The following CSMD1 variants were observed in gnomAD, a reference collection of about 807,000 sequenced individuals.
The protein encoded by CSMD1 is CUB and sushi domain-containing protein 1.
CSMD1 carries 213 observed loss-of-function variants against 417.5 expected under a neutral mutation model. The observed-to-expected ratio is 0.51, with a 90% CI of 0.46 to 0.57. The LOEUF (loss-of-function observed/expected upper bound fraction) is 0.57, where lower values mean the gene tolerates loss of function less well. Among genes scored for constraint, CSMD1 ranks in the 20% least tolerant of loss-of-function variants. The probability of loss-of-function intolerance (pLI) is 0.00; values close to 1 mark genes in which losing one functional copy is unlikely to be tolerated. For synonymous variants in CSMD1, 2,862 were observed against 1,736.8 expected (o/e 1.65, Z -16.11); for missense variants, 6,923 against 4,529.7 (o/e 1.53, Z -15.17).
At chr8:3,311,553 C>T (rs991940653) in intron 23 of CSMD1, among the ~76,000 whole-genome samples, 2 of 152,118 alleles carry the variant, frequency 1.3e-5, no homozygotes, top group Non-Finnish European at 2.9e-5. Context: ...GCTAGAGAGT[C>T]AACACTTTCT....
intron 2 of CSMD1, among the ~76,000 whole-genome samples, chr8:4,589,171 T>G (rs1799861388): frequency 6.6e-6 from 1 of 152,000 alleles, no homozygotes. Flanking sequence ...GAAAGAAAAG[T>G]GCAAAAAAGG....
intron 3 of CSMD1, among the ~76,000 whole-genome samples, chr8:4,145,004 T>C (rs1399939212): frequency 6.6e-6 from 1 of 151,180 alleles, no homozygotes; most frequent in Non-Finnish European, 1.5e-5. Flanking sequence ...TTCTCTACTT[T>C]ATATAAATAA....
intron 1 of CSMD1, among the ~76,000 whole-genome samples, chr8:4,652,912 G>T (rs983660292): frequency 6.6e-6 from 1 of 151,378 alleles, no homozygotes; most frequent in Non-Finnish European, 1.5e-5. Flanking sequence ...CTGATGTGGT[G>T]GGGTGGAGTT....
At chr8:3,780,614 T>G (rs1799124769) in intron 5 of CSMD1, among the ~76,000 whole-genome samples, 1 of 152,204 alleles carries the variant, frequency 6.6e-6, no homozygotes, top group Admixed American at 6.5e-5. Context: ...ACAACTGTCA[T>G]CAAACTGGGC....
chr8:4,639,218 C>T (rs1253640472), intron 1 of CSMD1, among the ~76,000 whole-genome samples: 3 of 151,374 alleles, frequency 2.0e-5, no homozygotes, highest in African/African-American at 2.4e-5. Flanking sequence ...ACAAGCTCTC[C>T]GTGCCATGCT....
intron 10 of CSMD1, among the ~76,000 whole-genome samples, chr8:3,538,482 G>A (rs529819725): frequency 6.1e-4 from 93 of 152,290 alleles, no homozygotes; most frequent in African/African-American, 2.1e-3. Context: ...TGATACACCT[G>A]AGATGCCTCA....
At chr8:4,764,345 T>C (rs536271111) in intron 1 of CSMD1, among the ~76,000 whole-genome samples, 162 of 152,264 alleles carry the variant, frequency 1.1e-3, no homozygotes, top group African/African-American at 3.8e-3. Context: ...AACCTAGAAA[T>C]TAGTATCAAT....
At chr8:3,954,640 G>C (rs537404228) in intron 5 of CSMD1, among the ~76,000 whole-genome samples, 2 of 152,242 alleles carry the variant, frequency 1.3e-5, no homozygotes, top group African/African-American at 4.8e-5. Context: ...GGGATTACAG[G>C]CGTGAGCCAC....
At chr8:4,824,800 T>C (rs1799726773) in intron 1 of CSMD1, among the ~76,000 whole-genome samples, 1 of 152,176 alleles carries the variant, frequency 6.6e-6, no homozygotes, top group Non-Finnish European at 1.5e-5. Flanking sequence ...TTTAATGTAC[T>C]CGGAGGAAAT....
intron 2 of CSMD1, among the ~76,000 whole-genome samples, chr8:4,467,924 G>C (rs904234256): frequency 6.6e-6 from 1 of 152,150 alleles, no homozygotes; most frequent in African/African-American, 2.4e-5. Flanking sequence ...CAAACAGTTG[G>C]AATTCCATTC....
intron 3 of CSMD1, among the ~76,000 whole-genome samples, chr8:4,115,297 G>A (rs1224492648): frequency 1.3e-5 from 2 of 152,000 alleles, no homozygotes; most frequent in African/African-American, 2.4e-5. Flanking sequence ...AGCATTTTTG[G>A]CAACAAAATA....
chr8:4,033,066 A>C (rs1396539834), intron 3 of CSMD1, among the ~76,000 whole-genome samples: 3 of 141,888 alleles, frequency 2.1e-5, no homozygotes, highest in Non-Finnish European at 4.5e-5. Context: ...TAACCCAGAC[A>C]TTCCTCTCTA....
chr8:3,528,935 C>G (rs934502489), intron 10 of CSMD1, among the ~76,000 whole-genome samples: 3 of 152,036 alleles, frequency 2.0e-5, no homozygotes, highest in Non-Finnish European at 2.9e-5. Context: ...TAATATAATC[C>G]TTAGATAATT....
intron 23 of CSMD1, among the ~76,000 whole-genome samples, chr8:3,315,812 T>C (rs1350988033): frequency 6.6e-6 from 1 of 152,202 alleles, no homozygotes; most frequent in South Asian, 2.1e-4. Context: ...AAGCAAACTT[T>C]TAATAAATCA....
intron 41 of CSMD1, among the ~76,000 whole-genome samples, chr8:3,121,891 A>G (rs1483447228): frequency 6.6e-6 from 1 of 152,174 alleles, no homozygotes; most frequent in Non-Finnish European, 1.5e-5. Flanking sequence ...AATTTATATG[A>G]TAAAACTTAA....
intron 2 of CSMD1, among the ~76,000 whole-genome samples, chr8:4,470,147 G>C (rs183085945): frequency 6.6e-6 from 1 of 152,030 alleles, no homozygotes; most frequent in East Asian, 1.9e-4. Flanking sequence ...TGGGATTACA[G>C]GTGGCCTTTG....
rs570667587 is a variant in CSMD1, at chr8:3,606,610, C to G, written c.1097+10100G>C. On this transcript the variant is annotated intron_variant, in intron 8 of 69. Coordinates refer to ENST00000635120, the MANE Select transcript of CSMD1 (RefSeq NM_033225.6). ...GACATGACTGTACACTCCTGTAGACCTTAGAAACACTGTATCCTTGGGCCA... is the reference window on the plus strand; with the variant it reads ...GACATGACTGTACACTCCTGTAGACGTTAGAAACACTGTATCCTTGGGCCA... 2.0e-5 allele frequency among the ~76,000 whole-genome samples: 3 copies of G among 152,164 alleles called. No homozygotes were observed. The South Asian group carries it at 6.2e-4, about 32-fold the overall frequency.
At chr8:4,003,512 G>T (rs1394432549) in intron 4 of CSMD1, among the ~76,000 whole-genome samples, 1 of 152,092 alleles carries the variant, frequency 6.6e-6, no homozygotes, top group Admixed American at 6.6e-5. Flanking sequence ...AAATAAGAGT[G>T]AATTCTAGAA....
intron 25 of CSMD1, among the ~76,000 whole-genome samples, chr8:3,305,026 TAAG>T (rs1489606723): frequency 4.6e-5 from 7 of 152,172 alleles, no homozygotes; most frequent in African/African-American, 7.2e-5. Context: ...AATTCAAAGT[TAAG>T]GACTAATATT....
Sources: allele counts gnomAD v4.1 joint callset (sites outside exome capture counted in the v4.1 genomes callset), GRCh38; gene constraint gnomAD v4.1.1; transcripts MANE v1.5; gene names NCBI Gene and HGNC (gene_info 2026-07-23, HGNC 2026-07-21).